R3HCC1L: variants seen among roughly 807,000 people sequenced by gnomAD.
R3HCC1L encodes the protein coiled-coil domain-containing protein R3HCC1L.
Under a neutral mutation model 59.9 loss-of-function variants are expected in R3HCC1L, and 51 were observed. The observed-to-expected ratio is 0.85, with a 90% confidence interval of 0.68 to 1.07. The LOEUF is 1.07. R3HCC1L is among the 50% of genes least tolerant of loss of function. R3HCC1L has a pLI of 0.00. For missense variants in R3HCC1L, 965 were observed against 933.0 expected, an observed-to-expected ratio of 1.03 and a Z score of -0.45; for synonymous variants, 322 against 315.2, an observed-to-expected ratio of 1.02 and a Z score of -0.23.
At chr10:98,217,794 A>T in intron 5 of R3HCC1L, among the ~76,000 whole-genome samples, 1 of 148,346 alleles carries the variant, frequency 6.7e-6, no homozygotes, top group South Asian at 2.1e-4. Context: ...TATAAATGGG[A>T]TTTCTTTCTT....
chr10:98,211,453 G>A, intron 5 of R3HCC1L: 1 of 1,335,204 alleles, frequency 7.5e-7, no homozygotes. Context: ...ATCCAAATCA[G>A]GTTAAGAAAT....
chr10:98,208,908 C>T lies in R3HCC1L; in HGVS notation c.794C>T (p.Thr265Ile). 2 of 1,614,118 alleles carry T rather than the reference C, an allele frequency of 1.2e-6. No homozygotes were observed. Among genetic ancestry groups the T allele is most frequent in the Non-Finnish European group, 1.7e-6 (2 of 1,180,008 alleles). The stretch of plus-strand genomic sequence containing the variant: ...TTGAATCCCAGCAGCGGAGGCATCA[C>T]CACTACTTCTGTTCCTGGAAGTCCA... Reference protein sequence around the residue: ...GILNPSSGGITTTSVPGSPDG... With the variant: ...GILNPSSGGIITTSVPGSPDG... The change falls in exon 5 of 10, where the codon ACC (threonine) becomes ATC (isoleucine). Residue 265 changes from threonine (T) to isoleucine (I), a missense_variant. By Grantham distance (89) the Thr-to-Ile change is moderately conservative. Coordinates refer to ENST00000298999, the MANE Select transcript of R3HCC1L (RefSeq NM_001351015.2).
chr10:98,162,015 AAT>A (rs1305840758), intron 2 of R3HCC1L, among the ~76,000 whole-genome samples: 5 of 152,256 alleles, frequency 3.3e-5, no homozygotes, highest in South Asian at 4.1e-4. Flanking sequence ...AAGAACAAAG[AAT>A]ATCTTTCCAT....
At chr10:98,158,444 A>G (rs1847089191) in intron 2 of R3HCC1L, among the ~76,000 whole-genome samples, 1 of 152,332 alleles carries the variant, frequency 6.6e-6, no homozygotes, top group Non-Finnish European at 1.5e-5. Context: ...GACCACAGAA[A>G]AATTCCGAGA....
At chr10:98,139,847 T>A (rs1844969644) in intron 1 of R3HCC1L, among the ~76,000 whole-genome samples, 1 of 151,944 alleles carries the variant, frequency 6.6e-6, no homozygotes, top group Non-Finnish European at 1.5e-5. Context: ...GTCCTTCTTG[T>A]ATCTTTTTTT....
At chr10:98,242,153 T>A (rs1440804111) in intron 9 of R3HCC1L, among the ~76,000 whole-genome samples, 1 of 152,202 alleles carries the variant, frequency 6.6e-6, no homozygotes, top group Non-Finnish European at 1.5e-5. Flanking sequence ...AAGACCATTC[T>A]GGCTAGCATG....
intron 1 of R3HCC1L, among the ~76,000 whole-genome samples, chr10:98,155,130 GT>G (rs1048919352): frequency 1.4e-4 from 22 of 152,108 alleles, no homozygotes; most frequent in Admixed American, 1.2e-3. Context: ...CAATTTGGTT[GT>G]TTTTTTGGCC....
At chr10:98,157,453 T>C (rs567350321) in intron 2 of R3HCC1L, among the ~76,000 whole-genome samples, 1 of 152,342 alleles carries the variant, frequency 6.6e-6, no homozygotes, top group East Asian at 1.9e-4. Context: ...TCCCAAACTT[T>C]CTTTCACAGA....
Position 98,234,476 on chromosome 10 carries a change from T to C in R3HCC1L, c.1992T>C (p.Asp664=). ...AAGGATTTGATATTAAATGGGTGGATGATACACATGCCCTAGGAGTATTCT... is the reference window on the plus strand; with the variant it reads ...AAGGATTTGATATTAAATGGGTGGACGATACACATGCCCTAGGAGTATTCT... The part of the protein sequence containing the change: ...QKKGFDIKWV[D]DTHALGVFSS... The change falls in exon 7 of 10, where the codon GAT becomes GAC. Residue 664 remains aspartate, a synonymous_variant. Coordinates refer to ENST00000298999, the MANE Select transcript of R3HCC1L (RefSeq NM_001351015.2). The C allele has an allele frequency of 6.2e-7, 1 of 1,613,528 alleles. No individual in the cohort carries two copies. The highest frequency in any genetic ancestry group is 8.5e-7 in the Non-Finnish European group (1 of 1,179,720).
At chr10:98,147,914 T>A (rs892414416) in intron 1 of R3HCC1L, among the ~76,000 whole-genome samples, 1 of 152,100 alleles carries the variant, frequency 6.6e-6, no homozygotes, top group African/African-American at 2.4e-5. Context: ...TTCTGTATAA[T>A]TTTTTTGATT....
In R3HCC1L at chr10:98,209,743, A is replaced by G. The variant is rs1337587741; in HGVS notation, c.1629A>G (p.Val543=). ...ACTCAGGGAGTATAGAATTTGGTGTATCTTTTCCTGATAGGGAATCATCAT... is the reference window on the plus strand; with the variant it reads ...ACTCAGGGAGTATAGAATTTGGTGTGTCTTTTCCTGATAGGGAATCATCAT... The part of the protein sequence containing the change: ...QDDSGSIEFG[V]SFPDRESSSM... The change falls in exon 5 of 10, where the codon GTA becomes GTG. Residue 543 remains valine (V), a synonymous_variant. Coordinates refer to ENST00000298999, the MANE Select transcript of R3HCC1L (RefSeq NM_001351015.2). 6.2e-7 allele frequency: 1 copy of G among 1,613,946 alleles called. No individual in the cohort carries two copies. The highest frequency in any genetic ancestry group is 8.5e-7 in the Non-Finnish European group (1 of 1,179,874).
At chr10:98,159,903 C>T (rs1252343168) in intron 2 of R3HCC1L, among the ~76,000 whole-genome samples, 1 of 152,170 alleles carries the variant, frequency 6.6e-6, no homozygotes, top group Non-Finnish European at 1.5e-5. Context: ...TCTAGGCCTT[C>T]TCAGCTGACA....
intron 5 of R3HCC1L, among the ~76,000 whole-genome samples, chr10:98,220,648 G>A (rs1461568815): frequency 1.4e-5 from 2 of 146,752 alleles, no homozygotes; most frequent in Non-Finnish European, 3.0e-5. Context: ...TTGTTCTTGC[G>A]ATAGTTTACT....
At chr10:98,192,738 C>T (rs1184946563) in intron 4 of R3HCC1L, among the ~76,000 whole-genome samples, 2 of 152,100 alleles carry the variant, frequency 1.3e-5, no homozygotes, top group African/African-American at 4.8e-5. Context: ...ACCAATTCTT[C>T]TTAAACTCTT....
At position 98,183,452 on chromosome 10, in the gene R3HCC1L, T is replaced by G. The variant is rs567654911; in HGVS notation, c.-15+20055T>G. On this transcript the variant is annotated intron_variant, in intron 4 of 9. Coordinates refer to ENST00000298999, the MANE Select transcript of R3HCC1L (RefSeq NM_001351015.2). Reference sequence around the variant, plus strand: ...GGATTTTTGTTGTTGTTGTTGTTGTTGTTTGTTTATTTGATGCTGCCTAGT... The same window carrying G: ...GGATTTTTGTTGTTGTTGTTGTTGTGGTTTGTTTATTTGATGCTGCCTAGT... 6.5e-4 allele frequency among the ~76,000 whole-genome samples: 99 copies of G among 152,188 alleles called. 1 individual carries two copies. Among genetic ancestry groups the G allele is most frequent in the Non-Finnish European group, 7.4e-5 (5 of 68,004 alleles).
At chr10:98,226,467 G>T (rs1482752227) in intron 5 of R3HCC1L, among the ~76,000 whole-genome samples, 1 of 152,174 alleles carries the variant, frequency 6.6e-6, no homozygotes, top group Non-Finnish European at 1.5e-5. Context: ...ACTTAATATT[G>T]TTCAGATATT....
chr10:98,236,262 GTT>G, intron 9 of R3HCC1L, 98 bp downstream of exon 9: 1 of 1,466,708 alleles, frequency 6.8e-7, no homozygotes, highest in East Asian at 2.5e-5. Context: ...CATTTTTGTC[GTT>G]TCTGTTTCCT....
At position 98,235,422 on chromosome 10, in the gene R3HCC1L, C is replaced by T. The variant is rs1186265134; in HGVS notation, c.2033-3C>T. ...TTCTGCTTCCTTTTATTCCTCTTTGCAGCTCGTGATGCGTTGGGTATTAAA... is the reference window on the plus strand; with the variant it reads ...TTCTGCTTCCTTTTATTCCTCTTTGTAGCTCGTGATGCGTTGGGTATTAAA... On this transcript the variant is annotated splice_region_variant and splice_polypyrimidine_tract_variant and intron_variant, in intron 7 of 9. Transcript: ENST00000298999. The T allele has an allele frequency of 1.9e-6, 3 of 1,611,958 alleles. No homozygotes were observed. The South Asian group carries it at 3.3e-5, about 18-fold the overall frequency.
intron 4 of R3HCC1L, among the ~76,000 whole-genome samples, chr10:98,183,664 T>G (rs1849890858): frequency 6.6e-6 from 1 of 152,158 alleles, no homozygotes; most frequent in Non-Finnish European, 1.5e-5. Context: ...TTGTCATGTT[T>G]TGTGGGAGTA....
Sources: gnomAD v4.1 joint callset for allele counts (sites outside exome capture counted in the v4.1 genomes callset) on GRCh38, gnomAD v4.1.1 for gene constraint, MANE v1.5 for transcripts, NCBI Gene and HGNC (gene_info 2026-07-23, HGNC 2026-07-21) for gene names.